NUF2: variants seen among roughly 807,000 people sequenced by gnomAD.
NUF2 encodes the protein kinetochore protein Nuf2.
A neutral mutation model predicts 61.8 loss-of-function variants in NUF2; 34 were observed. The observed-to-expected ratio is 0.55, with a 90% CI of 0.42 to 0.73. The LOEUF (loss-of-function observed/expected upper bound fraction) is 0.73. Among genes scored for constraint, NUF2 ranks in the 30% least tolerant of loss-of-function variants. The pLI, the probability that NUF2 is intolerant of heterozygous loss-of-function variation, is 0.00. For synonymous variants in NUF2, 172 were observed against 181.6 expected (o/e 0.95, Z 0.42); for missense variants, 445 against 539.1 (o/e 0.83, Z 1.73).
chr1:163,355,369 A>C lies in NUF2; in HGVS notation c.1295A>C (p.Lys432Thr). The change falls in exon 14 of 14, where the codon AAA (lysine) becomes ACA (threonine). Residue 432 changes from lysine (K) to threonine (T), a missense_variant. Coordinates refer to ENST00000271452, the MANE Select transcript of NUF2 (RefSeq NM_145697.3). ...IFLNLKTALEKYHDGIEKAAE... is the reference protein window; with the variant it reads ...IFLNLKTALETYHDGIEKAAE... ...CTAAACTTGAAAACTGCTTTGGAGA[A>C]ATACCACGACGGTATTGAAAAGGCA... 6.2e-7 allele frequency: 1 copy of C among 1,605,512 alleles called. No homozygotes were observed. The highest frequency in any genetic ancestry group is 8.5e-7 in the Non-Finnish European group (1 of 1,175,640).
At chr1:163,340,619 G>A (rs1169411913) in intron 9 of NUF2, among the ~76,000 whole-genome samples, 193 bp downstream of exon 9, 1 of 152,122 alleles carries the variant, frequency 6.6e-6, no homozygotes, top group Non-Finnish European at 1.5e-5. Flanking sequence ...TATGAAGAAA[G>A]TAAACATCAC....
chr1:163,353,168 G>A (rs1290492462), intron 13 of NUF2, among the ~76,000 whole-genome samples: 1 of 152,126 alleles, frequency 6.6e-6, no homozygotes, highest in Non-Finnish European at 1.5e-5. Flanking sequence ...CTGGTTATAT[G>A]TTCATTTAGG....
intron 13 of NUF2, among the ~76,000 whole-genome samples, chr1:163,352,734 C>T (rs372951147): frequency 5.9e-5 from 9 of 152,106 alleles, no homozygotes; most frequent in African/African-American, 1.4e-4. Flanking sequence ...GGCGTGGTGG[C>T]GGGCGCCTGT....
intron 5 of NUF2, among the ~76,000 whole-genome samples, chr1:163,335,022 C>T (rs747094269): frequency 2.6e-5 from 4 of 152,154 alleles, no homozygotes; most frequent in East Asian, 1.9e-4. Context: ...GGCACAGTCT[C>T]GGCTTACTGC....
chr1:163,352,655 A>C (rs1651360652), intron 13 of NUF2, among the ~76,000 whole-genome samples: 1 of 152,186 alleles, frequency 6.6e-6, no homozygotes, highest in Non-Finnish European at 1.5e-5. Flanking sequence ...TCACGAGGTC[A>C]GGAGATCGAG....
chr1:163,328,034 A>T, intron 3 of NUF2, 194 bp from the exon 4 acceptor site: 2 of 436,220 alleles, frequency 4.6e-6, no homozygotes, highest in Non-Finnish European at 8.0e-6. Context: ...TTTAAAATTC[A>T]TTTAAAAATC....
At chr1:163,339,128 TTAGAAAGGA>T (rs1272123459) in intron 7 of NUF2, among the ~76,000 whole-genome samples, 1 of 151,894 alleles carries the variant, frequency 6.6e-6, no homozygotes, top group Admixed American at 6.6e-5. Flanking sequence ...AGGAGTGAAG[TTAGAAAGGA>T]TAGGTATGTG....
chr1:163,337,099 A>T (rs1042852110), intron 6 of NUF2, among the ~76,000 whole-genome samples: 1 of 152,094 alleles, frequency 6.6e-6, no homozygotes, highest in Non-Finnish European at 1.5e-5. Context: ...CTTGTAGCTG[A>T]GGCTTGTTTT....
intron 1 of NUF2, 34 bp from the exon 2 acceptor site, chr1:163,325,998 A>G: frequency 6.5e-7 from 1 of 1,546,040 alleles, no homozygotes; most frequent in Non-Finnish European, 8.9e-7. Flanking sequence ...ACTACTGATC[A>G]TGTGGTATTT....
In NUF2 at chr1:163,339,429, A is replaced by T. The variant is rs1509022; in HGVS notation, c.558A>T (p.Gly186=). Residue 186 remains glycine (G), a synonymous_variant, in exon 8 of 14, where the codon GGA becomes GGT. Transcript: ENST00000271452. ...AAGAGTTCAAGCAGCTTTCAGATGG[A>T]ATTCAGGAGCTACAACAATCACTAA... ...EQEEFKQLSD[G]IQELQQSLNQ... The T allele has an allele frequency of 0.44, 714,064 of 1,609,142 alleles. 161,270 individuals carry two copies. Among genetic ancestry groups the T allele is most frequent in the South Asian group, 0.57 (51,791 of 90,788 alleles).
intron 2 of NUF2, among the ~76,000 whole-genome samples, chr1:163,326,749 A>G (rs897775249): frequency 1.3e-5 from 2 of 152,144 alleles, no homozygotes; most frequent in Admixed American, 6.5e-5. Flanking sequence ...AACCTGGTGT[A>G]ATGGTGTAGA....
chr1:163,340,435 C>T lies in NUF2; in HGVS notation c.669+9C>T. On this transcript the variant is annotated intron_variant, in intron 9 of 13. Transcript: ENST00000271452. ...AGAAAACCAAGCGTTTGGTAAACAT[C>T]TTTTCTTTTCACTAGCATTTAAAGT... 6.2e-7 allele frequency: 1 copy of T among 1,600,302 alleles called. No homozygotes were observed. The highest frequency in any genetic ancestry group is 8.5e-7 in the Non-Finnish European group (1 of 1,169,940).
At chr1:163,352,382 C>T (rs1167958037) in intron 13 of NUF2, among the ~76,000 whole-genome samples, 2 of 152,182 alleles carry the variant, frequency 1.3e-5, no homozygotes, top group Non-Finnish European at 2.9e-5. Flanking sequence ...CACATTTATC[C>T]TGCTAAAATA....
rs753469318 is a variant in NUF2, at chr1:163,336,759, C to T, written c.346C>T (p.Arg116Trp). 14 of 1,608,914 alleles carry T rather than the reference C, an allele frequency of 8.7e-6. No homozygotes were observed. Among genetic ancestry groups the T allele is most frequent in the South Asian group, 5.5e-5 (5 of 90,922 alleles). ...TADILCPKAKRTSRFLSGIIN... is the reference protein window; with the variant it reads ...TADILCPKAKWTSRFLSGIIN... ...CTTGCTTTCTATTTTAGAAGCAAAA[C>T]GGACAAGTCGGTTTTTAAGTGGCAT... is the stretch of plus-strand genomic sequence containing the variant. Residue 116 changes from arginine (R) to tryptophan (W), a missense_variant, in exon 6 of 14, where the codon CGG becomes TGG. Coordinates refer to ENST00000271452, the MANE Select transcript of NUF2 (RefSeq NM_145697.3).
chr1:163,340,224 C>T (rs1650894288), intron 8 of NUF2, 140 bp from the exon 9 acceptor site: 1 of 625,190 alleles, frequency 1.6e-6, no homozygotes, highest in Admixed American at 3.4e-5. Flanking sequence ...GGCTTAGGAG[C>T]ATCATGAACA....
intron 4 of NUF2, 96 bp downstream of exon 4, chr1:163,328,400 T>C: frequency 1.4e-6 from 1 of 706,476 alleles, no homozygotes; most frequent in East Asian, 2.7e-5. Flanking sequence ...AAGGAATACC[T>C]ACTATGTTCC....
intron 5 of NUF2, among the ~76,000 whole-genome samples, chr1:163,331,939 AC>A (rs1408969626): frequency 6.6e-6 from 1 of 151,132 alleles, no homozygotes; most frequent in Admixed American, 6.6e-5. Flanking sequence ...GACTTAATTG[AC>A]TTTTCTGTAT....
At chr1:163,344,730 G>T (rs1024224050) in intron 10 of NUF2, among the ~76,000 whole-genome samples, 3 of 149,706 alleles carry the variant, frequency 2.0e-5, no homozygotes, top group Non-Finnish European at 4.5e-5. Flanking sequence ...GTTTGAATTT[G>T]TTATTCAGTT....
chr1:163,330,785 A>G (rs955614663), intron 5 of NUF2, among the ~76,000 whole-genome samples: 2 of 152,060 alleles, frequency 1.3e-5, no homozygotes, highest in African/African-American at 2.4e-5. Flanking sequence ...TGTATAATAA[A>G]TTTTGTTAAA....
Sources: allele counts gnomAD v4.1 joint callset (sites outside exome capture counted in the v4.1 genomes callset), GRCh38; gene constraint gnomAD v4.1.1; transcripts MANE v1.5; gene names NCBI Gene and HGNC (gene_info 2026-07-23, HGNC 2026-07-21).